Variants in PRDM16 observed in about 807,000 individuals in gnomAD.
The protein encoded by PRDM16 is histone-lysine N-methyltransferase PRDM16.
Under a neutral mutation model 110.6 loss-of-function variants are expected in PRDM16, and 23 were observed. The observed-to-expected ratio is 0.21, with a 90% CI of 0.15 to 0.29. The LOEUF is 0.29. Among genes scored for constraint, PRDM16 ranks in the 10% least tolerant of loss-of-function variants. The pLI, the probability that PRDM16 is intolerant of heterozygous loss-of-function variation, is 1.00. For synonymous variants in PRDM16, 799 were observed against 781.8 expected, an observed-to-expected ratio of 1.02 and a Z score of -0.37; for missense variants, 1,615 against 1,794.3, an observed-to-expected ratio of 0.90 and a Z score of 1.81.
intron 3 of PRDM16, among the ~76,000 whole-genome samples, chr1:3,275,615 AC>A (rs1640564469): frequency 6.6e-6 from 1 of 152,060 alleles, no homozygotes; most frequent in Non-Finnish European, 1.5e-5. Context: ...CAGTGCTCGA[AC>A]CAAACGCCAG....
In PRDM16 at chr1:3,270,587, AGAGGAGGACAGTCGG is replaced by A. The variant is rs1365271624; in HGVS notation, c.438+26464_438+26478del. On this transcript the variant is annotated intron_variant, in intron 3 of 16. Coordinates refer to ENST00000270722, the MANE Select transcript of PRDM16 (RefSeq NM_022114.4). ...GCATAGTCCTGGAGGAGGACAGTCG[AGAGGAGGACAGTCGG>A]GAGGAGGACAGTCCTGGATGAGGAC... is the stretch of plus-strand genomic sequence containing the variant. Among the ~76,000 whole-genome samples the A allele has an allele frequency of 3.6e-5, 5 of 140,614 alleles. No homozygotes were observed. In the East Asian group the frequency reaches 6.8e-4, roughly 19 times the overall value. The allele number at this position is 140,614 out of a possible 152,430, so 92.2% of individuals were successfully genotyped here.
intron 1 of PRDM16, among the ~76,000 whole-genome samples, chr1:3,166,976 G>A (rs1256654665): frequency 3.9e-5 from 6 of 152,260 alleles, no homozygotes; most frequent in African/African-American, 7.2e-5. Context: ...GAGTACGCAC[G>A]GTGGACACTG....
At chr1:3,347,228 C>A (rs1190231762) in intron 3 of PRDM16, among the ~76,000 whole-genome samples, 3 of 152,242 alleles carry the variant, frequency 2.0e-5, no homozygotes, top group African/African-American at 7.2e-5. Flanking sequence ...CTGCACCAGG[C>A]AGACAGGCAG....
intron 3 of PRDM16, among the ~76,000 whole-genome samples, chr1:3,314,748 G>A (rs112270029): frequency 4.9e-4 from 74 of 152,084 alleles, no homozygotes; most frequent in Non-Finnish European, 9.4e-4. Flanking sequence ...CTTCTAGTTC[G>A]GGTTCAGTTG....
At chr1:3,296,422 G>A (rs1641090731) in intron 3 of PRDM16, among the ~76,000 whole-genome samples, 1 of 152,248 alleles carries the variant, frequency 6.6e-6, no homozygotes, top group African/African-American at 2.4e-5. Context: ...ACTGGGGCCG[G>A]GGGCAGAGGT....
At chr1:3,331,147 C>T (rs1456370616) in intron 3 of PRDM16, among the ~76,000 whole-genome samples, 2 of 152,256 alleles carry the variant, frequency 1.3e-5, no homozygotes, top group Non-Finnish European at 2.9e-5. Context: ...GGGAGGGGGC[C>T]TTCCTCTGCC....
At chr1:3,146,651 G>T (rs1320640057) in intron 1 of PRDM16, among the ~76,000 whole-genome samples, 1 of 147,278 alleles carries the variant, frequency 6.8e-6, no homozygotes, top group Non-Finnish European at 1.5e-5. Context: ...GGGTGTGTGT[G>T]TGCACGTGTG....
At chr1:3,251,468 T>C (rs999116880) in intron 3 of PRDM16, among the ~76,000 whole-genome samples, 1 of 152,048 alleles carries the variant, frequency 6.6e-6, no homozygotes, top group Non-Finnish European at 1.5e-5. Flanking sequence ...GAGGGACCAG[T>C]CAGGGTGGTG....
At chr1:3,075,551 A>G (rs1641877347) in intron 1 of PRDM16, among the ~76,000 whole-genome samples, 1 of 152,284 alleles carries the variant, frequency 6.6e-6, no homozygotes, top group South Asian at 2.1e-4. Flanking sequence ...TGGTAATTCT[A>G]GAATCTAAGG....
intron 1 of PRDM16, among the ~76,000 whole-genome samples, chr1:3,158,978 G>T (rs1385623158): frequency 6.6e-6 from 1 of 152,150 alleles, no homozygotes; most frequent in Non-Finnish European, 1.5e-5. Context: ...CCCCATGTTG[G>T]CCAGGCTGGT....
intron 1 of PRDM16, among the ~76,000 whole-genome samples, chr1:3,102,412 C>T (rs1269825691): frequency 1.3e-5 from 2 of 152,204 alleles, no homozygotes. Flanking sequence ...CTGGGGTCCT[C>T]ATGGGCTGGG....
chr1:3,277,054 A>T (rs1340209444), intron 3 of PRDM16, among the ~76,000 whole-genome samples: 1 of 151,624 alleles, frequency 6.6e-6, no homozygotes, highest in Non-Finnish European at 1.5e-5. Flanking sequence ...AGCCTCTTGC[A>T]TTTCCCCCAG....
chr1:3,287,351 G>A (rs112871753), intron 3 of PRDM16, among the ~76,000 whole-genome samples: 5 of 108,668 alleles, frequency 4.6e-5, no homozygotes, highest in African/African-American at 1.1e-4. Context: ...TGCATTTACC[G>A]GGGCTGGAGC....
chr1:3,141,044 C>T (rs1643540999), intron 1 of PRDM16, among the ~76,000 whole-genome samples: 1 of 152,198 alleles, frequency 6.6e-6, no homozygotes, highest in African/African-American at 2.4e-5. Context: ...CAAGAGGGCA[C>T]AGGCAAGGTG....
In PRDM16 at chr1:3,350,520, G is replaced by C. The variant is rs1205896638; in HGVS notation, c.439-34632G>C. Among the ~76,000 whole-genome samples the C allele has an allele frequency of 2.6e-5, 4 of 152,160 alleles. No homozygotes were observed. The highest frequency in any genetic ancestry group is 5.9e-5 in the Non-Finnish European group (4 of 68,030). ...ATGTGTGTTAAGATCAAGGGCCCCG[G>C]GCTGATGTGGCCTCCCAGCAGCCTG... On this transcript the variant is annotated intron_variant, in intron 3 of 16. Coordinates refer to ENST00000270722, the MANE Select transcript of PRDM16 (RefSeq NM_022114.4). The surrounding 1 kb of genome is among the most constrained non-coding windows in gnomAD (Gnocchi z 7.1).
At chr1:3,131,363 C>T (rs1305474961) in intron 1 of PRDM16, among the ~76,000 whole-genome samples, 2 of 152,136 alleles carry the variant, frequency 1.3e-5, no homozygotes, top group East Asian at 3.9e-4. Context: ...GGACTGGACG[C>T]TTTATAACCT....
intron 1 of PRDM16, among the ~76,000 whole-genome samples, chr1:3,154,288 T>G (rs1342309374): frequency 1.3e-5 from 2 of 151,886 alleles, no homozygotes. Flanking sequence ...GGCGGCGTGG[T>G]GGGGGGGCAG....
At chr1:3,224,219 A>G (rs776083807) in intron 2 of PRDM16, among the ~76,000 whole-genome samples, 1 of 152,220 alleles carries the variant, frequency 6.6e-6, no homozygotes, top group Non-Finnish European at 1.5e-5. Context: ...AACACAATTA[A>G]ATGCTGCGAA....
chr1:3,347,795 C>T (rs959965630), intron 3 of PRDM16, among the ~76,000 whole-genome samples: 14 of 152,204 alleles, frequency 9.2e-5, no homozygotes, highest in African/African-American at 3.4e-4. Context: ...GCTCCAAAGC[C>T]CCTGAGGGCT....
Sources: gnomAD v4.1 joint callset for allele counts (sites outside exome capture counted in the v4.1 genomes callset) on GRCh38, gnomAD v4.1.1 for gene constraint, Gnocchi (gnomAD v3.1) non-coding constraint, MANE v1.5 for transcripts, NCBI Gene and HGNC (gene_info 2026-07-23, HGNC 2026-07-21) for gene names.